PRKG1: variants seen among roughly 807,000 people sequenced by gnomAD.
PRKG1 encodes the protein protein kinase cGMP-dependent 1.
Under a neutral mutation model 88.1 loss-of-function variants are expected in PRKG1, and 35 were observed. That is an observed-to-expected ratio of 0.40 (90% confidence interval 0.30 to 0.53). The LOEUF is 0.53. PRKG1 is among the 20% of genes least tolerant of loss of function. The probability of loss-of-function intolerance (pLI) is 0.59; values close to 1 mark genes in which losing one functional copy is unlikely to be tolerated. For synonymous variants in PRKG1, 303 were observed against 292.5 expected (o/e 1.04, Z -0.37); for missense variants, 540 against 839.8 (o/e 0.64, Z 4.41).
intron 2 of PRKG1, among the ~76,000 whole-genome samples, chr10:51,207,915 A>T (rs1838105568): frequency 6.6e-6 from 1 of 152,284 alleles, no homozygotes; most frequent in Admixed American, 6.5e-5. Flanking sequence ...TACAGTGTAG[A>T]CATCTTATCT....
At chr10:52,106,035 A>T (rs1370641330) in intron 7 of PRKG1, among the ~76,000 whole-genome samples, 1 of 152,054 alleles carries the variant, frequency 6.6e-6, no homozygotes, top group Non-Finnish European at 1.5e-5. Context: ...GCATCCTCAT[A>T]GCTTAGCTCC....
chr10:51,080,325 C>A (rs75267015), intron 1 of PRKG1, among the ~76,000 whole-genome samples: 1,603 of 152,288 alleles, frequency 0.011, 30 homozygotes, highest in African/African-American at 0.037. Flanking sequence ...TCTACTGGGT[C>A]ACATTTCCAA....
At chr10:51,446,423 C>T (rs1839274174) in intron 2 of PRKG1, among the ~76,000 whole-genome samples, 1 of 151,964 alleles carries the variant, frequency 6.6e-6, no homozygotes, top group African/African-American at 2.4e-5. Context: ...ACCTTTACTT[C>T]CTAGTTCTTG....
chr10:52,016,314 C>T (rs1845038843), intron 5 of PRKG1, among the ~76,000 whole-genome samples: 1 of 152,118 alleles, frequency 6.6e-6, no homozygotes, highest in Non-Finnish European at 1.5e-5. Flanking sequence ...TATATGGCAG[C>T]AGGAGAGAGA....
chr10:51,114,005 T>A (rs924402781), intron 1 of PRKG1, among the ~76,000 whole-genome samples: 8 of 150,464 alleles, frequency 5.3e-5, no homozygotes, highest in African/African-American at 2.0e-4. Context: ...TCATTTTAAC[T>A]AAAACTGTGT....
intron 9 of PRKG1, among the ~76,000 whole-genome samples, chr10:52,206,156 T>C (rs534311110): frequency 2.0e-5 from 3 of 152,336 alleles, no homozygotes; most frequent in Non-Finnish European, 4.4e-5. Flanking sequence ...AGAACCAGTC[T>C]TCCAGCTCTG....
At chr10:52,279,867 A>G (rs560266726) in intron 12 of PRKG1, among the ~76,000 whole-genome samples, 2 of 152,168 alleles carry the variant, frequency 1.3e-5, no homozygotes, top group South Asian at 4.1e-4. Flanking sequence ...TACTCGGGAA[A>G]GAAAAAAAAA....
chr10:51,856,184 T>A (rs1261971965), intron 4 of PRKG1, among the ~76,000 whole-genome samples: 1 of 152,146 alleles, frequency 6.6e-6, no homozygotes. Context: ...AGCCCACCCA[T>A]ATAATCCAGG....
At chr10:51,733,384 A>C (rs1345572610) in intron 3 of PRKG1, among the ~76,000 whole-genome samples, 1 of 152,238 alleles carries the variant, frequency 6.6e-6, no homozygotes, top group Non-Finnish European at 1.5e-5. Context: ...AGTTTTCCAC[A>C]GGATTCTTCT....
intron 7 of PRKG1, among the ~76,000 whole-genome samples, chr10:52,092,373 A>G (rs1847077834): frequency 2.0e-5 from 3 of 152,194 alleles, no homozygotes; most frequent in Admixed American, 6.5e-5. Flanking sequence ...CTAAAATTTG[A>G]AGGCTAGTAA....
intron 10 of PRKG1, among the ~76,000 whole-genome samples, chr10:52,254,190 G>A (rs1293588534): frequency 2.0e-5 from 3 of 151,962 alleles, no homozygotes; most frequent in African/African-American, 7.2e-5. Flanking sequence ...AAGGGTAACA[G>A]TGTACCATCA....
intron 2 of PRKG1, among the ~76,000 whole-genome samples, chr10:51,155,262 C>A (rs968087300): frequency 1.3e-5 from 2 of 151,970 alleles, no homozygotes; most frequent in African/African-American, 4.8e-5. Context: ...TCTTACTAAG[C>A]CTAACTGAAA....
intron 2 of PRKG1, among the ~76,000 whole-genome samples, chr10:51,352,430 G>A (rs1385655729): frequency 2.0e-5 from 3 of 151,968 alleles, no homozygotes; most frequent in Non-Finnish European, 4.4e-5. Flanking sequence ...TCCTTGAGCA[G>A]TGGTTCTATA....
At chr10:52,111,696 G>T (rs1847568366) in intron 7 of PRKG1, among the ~76,000 whole-genome samples, 2 of 152,152 alleles carry the variant, frequency 1.3e-5, no homozygotes, top group South Asian at 4.1e-4. Context: ...AAGTTTCCTG[G>T]AGACACTTTG....
rs1313963329 is a variant in PRKG1, at chr10:51,641,057, G to A, written c.593-163528G>A. On this transcript the variant is annotated intron_variant, in intron 3 of 17. Coordinates refer to ENST00000373980, the MANE Select transcript of PRKG1 (RefSeq NM_006258.4). ...ATAGATAAAGAAACAAATATAATAA[G>A]ATAAAAAAAATCAGATAATCAGAAA... Among the ~76,000 whole-genome samples, 13 of 111,630 alleles carry A rather than the reference G, an allele frequency of 1.2e-4. No homozygotes were observed. In the East Asian group the frequency reaches 5.4e-3, roughly 46 times the overall value. 73.2% of individuals were successfully genotyped at this position (111,630 alleles called of 152,430 possible). A position where few individuals can be genotyped will look rare whatever the true frequency, so the allele number is the denominator to read the frequency against.
intron 1 of PRKG1, among the ~76,000 whole-genome samples, chr10:51,144,214 T>G (rs1845886420): frequency 6.6e-6 from 1 of 152,080 alleles, no homozygotes; most frequent in Admixed American, 6.6e-5. Flanking sequence ...TTTGAAAAAT[T>G]AGAGATAAAT....
chr10:51,780,708 A>T (rs1017467270), intron 3 of PRKG1, among the ~76,000 whole-genome samples: 1 of 152,136 alleles, frequency 6.6e-6, no homozygotes, highest in African/African-American at 2.4e-5. Context: ...AAATAATTTG[A>T]TGCTGGATAT....
chr10:51,153,588 G>A (rs1365836050), intron 2 of PRKG1, among the ~76,000 whole-genome samples: 1 of 151,922 alleles, frequency 6.6e-6, no homozygotes, highest in African/African-American at 2.4e-5. Flanking sequence ...AAGAAATATA[G>A]TTTATTACAC....
At chr10:51,959,893 T>C (rs73339237) in intron 5 of PRKG1, among the ~76,000 whole-genome samples, 4,264 of 152,268 alleles carry the variant, frequency 0.028, 207 homozygotes, top group African/African-American at 0.098. Flanking sequence ...GTAAGGGAAA[T>C]ATCTTTCTAC....
Sources: gnomAD v4.1 joint callset for allele counts (sites outside exome capture counted in the v4.1 genomes callset) on GRCh38, gnomAD v4.1.1 for gene constraint, MANE v1.5 for transcripts, NCBI Gene and HGNC (gene_info 2026-07-23, HGNC 2026-07-21) for gene names.